Variants in TGM5 observed in about 807,000 individuals in gnomAD.
TGM5 encodes the protein transglutaminase 5, also known as protein-glutamine gamma-glutamyltransferase 5.
In TGM5, 69 loss-of-function variants were observed where a neutral mutation model predicts 77.2. The ratio of observed to expected loss-of-function variants is 0.89; its 90% confidence interval spans 0.74 to 1.09. The LOEUF (loss-of-function observed/expected upper bound fraction) is 1.09, where lower values mean the gene tolerates loss of function less well. Ranked by LOEUF, TGM5 falls within the 50% of genes least tolerant of loss-of-function variation. The pLI is 0.00. For missense variants in TGM5, 842 were observed against 896.5 expected, an observed-to-expected ratio of 0.94 and a Z score of 0.78; for synonymous variants, 346 against 351.8, an observed-to-expected ratio of 0.98 and a Z score of 0.18.
At chr15:43,235,903 G>GCCATCCCCCACCCAATATCTCCA in intron 9 of TGM5, 66 bp from the exon 10 acceptor site, 1 of 1,601,288 alleles carries the variant, frequency 6.2e-7, no homozygotes, top group Non-Finnish European at 8.5e-7. Context: ...GAGGCTGAGC[G>GCCATCCCCCACCCAATATCTCCA]CCATCCCCCA....
At chr15:43,255,458 C>T (rs972447031) in intron 4 of TGM5, among the ~76,000 whole-genome samples, 5 of 152,200 alleles carry the variant, frequency 3.3e-5, no homozygotes, top group Non-Finnish European at 5.9e-5. Context: ...CCAGGTCTCT[C>T]CATGATGCCC....
intron 6 of TGM5, among the ~76,000 whole-genome samples, chr15:43,251,905 C>T (rs982236799): frequency 6.6e-6 from 1 of 152,218 alleles, no homozygotes; most frequent in South Asian, 2.1e-4. Context: ...GCTGACCTCA[C>T]ATTTTCTTCC....
intron 3 of TGM5, 107 bp downstream of exon 3, chr15:43,259,945 G>C: frequency 6.5e-7 from 1 of 1,527,374 alleles, no homozygotes; most frequent in South Asian, 1.1e-5. Context: ...AGGGAATTGA[G>C]GAGGCTCTGG....
chr15:43,265,872 A>G (rs1342440851), intron 1 of TGM5, among the ~76,000 whole-genome samples: 1 of 152,242 alleles, frequency 6.6e-6, no homozygotes, highest in African/African-American at 2.4e-5. Context: ...ATCTATAGGT[A>G]CTGACTGGCA....
intron 3 of TGM5, among the ~76,000 whole-genome samples, chr15:43,258,457 A>G (rs574065): frequency 0.58 from 88,378 of 152,154 alleles, 27,890 homozygotes; most frequent in Non-Finnish European, 0.68. Context: ...ACAGACGTCC[A>G]CTTTGCAGGG....
At chr15:43,265,850 A>G (rs180783637) in intron 1 of TGM5, among the ~76,000 whole-genome samples, 6 of 152,342 alleles carry the variant, frequency 3.9e-5, no homozygotes, top group Non-Finnish European at 8.8e-5. Flanking sequence ...ACTATGAGAA[A>G]TATTGAGGTA....
Position 43,252,898 on chromosome 15 carries a change from G to C in TGM5, c.723C>G (p.Asn241Lys), listed in dbSNP as rs35578968. 2,396 of 1,613,788 alleles carry C rather than the reference G, an allele frequency of 1.5e-3. 10 individuals are homozygous for C. Among genetic ancestry groups the C allele is most frequent in the Middle Eastern group, 8.7e-3 (53 of 6,062 alleles). ...CGCCGTCTGTGTAATTCTCACTCCAGTTTCCATTGAGCACCCCATTATCAT... is the reference window on the plus strand; with the variant it reads ...CGCCGTCTGTGTAATTCTCACTCCACTTTCCATTGAGCACCCCATTATCAT... ...SNDDNGVLNG[N>K]WSENYTDGAN... Residue 241 changes from asparagine to lysine, a missense_variant, in exon 6 of 13, where the codon AAC (asparagine) becomes AAG (lysine). Around this residue, in one of 2 missense-constraint regions of TGM5, gnomAD observed 815 missense variants for 844.6 expected, o/e 0.96. Coordinates refer to ENST00000220420, the MANE Select transcript of TGM5 (RefSeq NM_201631.4).
intron 11 of TGM5, 46 bp from the exon 12 acceptor site, chr15:43,233,733 C>T: frequency 6.2e-7 from 1 of 1,609,732 alleles, no homozygotes; most frequent in Non-Finnish European, 8.5e-7. Context: ...CATTCCCCAA[C>T]TCACCAGATA....
At chr15:43,252,518 A>G (rs999156167) in intron 6 of TGM5, among the ~76,000 whole-genome samples, 5 of 152,164 alleles carry the variant, frequency 3.3e-5, no homozygotes, top group Admixed American at 6.5e-5. Context: ...GGGTTTCACC[A>G]TCTTGGCCAG....
In TGM5 at chr15:43,252,909, G is replaced by C. The variant is rs774221177; in HGVS notation, c.712C>G (p.Leu238Val). The change falls in exon 6 of 13, where the codon CTC (leucine) becomes GTC (valine). Residue 238 changes from leucine to valine, a missense_variant. By Grantham distance (32) the Leu-to-Val change is conservative. Coordinates refer to ENST00000220420, the MANE Select transcript of TGM5 (RefSeq NM_201631.4). ...TAATTCTCACTCCAGTTTCCATTGA[G>C]CACCCCATTATCATCATTGCTGTTG... ...MINSNDDNGV[L>V]NGNWSENYTD... The C allele has an allele frequency of 6.2e-7, 1 of 1,613,586 alleles. No individual in the cohort carries two copies. The highest frequency in any genetic ancestry group is 2.2e-5 in the East Asian group (1 of 44,880).
At chr15:43,259,708 C>T (rs932380523) in intron 3 of TGM5, among the ~76,000 whole-genome samples, 7 of 152,050 alleles carry the variant, frequency 4.6e-5, no homozygotes, top group Non-Finnish European at 8.8e-5. Flanking sequence ...TTCCTTCATT[C>T]CATAAATACT....
At chr15:43,240,775 C>T (rs940675792) in intron 7 of TGM5, 77 bp downstream of exon 7, 26 of 1,596,632 alleles carry the variant, frequency 1.6e-5, no homozygotes, top group Middle Eastern at 1.7e-4. Context: ...TCATGGACCT[C>T]GTTCTGCCCT....
Position 43,233,682 on chromosome 15 carries a change from T to C in TGM5, c.1881A>G (p.Leu627=), listed in dbSNP as rs116495228. Residue 627 remains leucine (L), a synonymous_variant, in exon 12 of 13, where the codon CTA becomes CTG. Transcript: ENST00000220420. ...LSYPSITINV[L]GAAVVNQPLS... is the part of the protein sequence containing the mutation. ...GTGGCTGGTTCACAACGGCTGCTCCTAGAACCTAAACAGACCAGGAGGGGA... is the reference window on the plus strand; with the variant it reads ...GTGGCTGGTTCACAACGGCTGCTCCCAGAACCTAAACAGACCAGGAGGGGA... 18 of 1,614,120 alleles carry C rather than the reference T, an allele frequency of 1.1e-5. No individual in the cohort carries two copies. The highest frequency in any genetic ancestry group is 1.7e-4 in the Middle Eastern group (1 of 6,036).
rs1421873292 is a variant in TGM5 at position 43,260,567 on chromosome 15, G to A, written c.23C>T (p.Ala8Val). 4 of 1,614,018 alleles carry A rather than the reference G, an allele frequency of 2.5e-6. No homozygotes were observed. The highest frequency in any genetic ancestry group is 3.4e-6 in the Non-Finnish European group (4 of 1,179,914). ...TCTGGAGCTCTGGAGGTCTGTGAGGGCCACTTCTAGCCCTGCAATGGGGCA... is the reference window on the plus strand; with the variant it reads ...TCTGGAGCTCTGGAGGTCTGTGAGGACCACTTCTAGCCCTGCAATGGGGCA... MAQGLEV[A>V]LTDLQSSRNN... The change falls in exon 2 of 13, where the codon GCC (alanine) becomes GTC (valine). Residue 8 changes from alanine to valine, a missense_variant. By Grantham distance (64) the Ala-to-Val change is moderately conservative. Transcript: ENST00000220420.
At chr15:43,242,270 T>C (rs2042642174) in intron 6 of TGM5, among the ~76,000 whole-genome samples, 1 of 152,242 alleles carries the variant, frequency 6.6e-6, no homozygotes, top group African/African-American at 2.4e-5. Flanking sequence ...CAGCTTTTGG[T>C]AGTATGCATA....
intron 1 of TGM5, among the ~76,000 whole-genome samples, chr15:43,261,049 A>G (rs2042782207): frequency 7.6e-6 from 1 of 131,004 alleles, no homozygotes; most frequent in African/African-American, 2.9e-5. Context: ...TCCTTGGGCT[A>G]GCTGCTCTTC....
chr15:43,266,725 A>G (rs2042826924), intron 1 of TGM5, 115 bp downstream of exon 1: 1 of 1,372,760 alleles, frequency 7.3e-7, no homozygotes, highest in South Asian at 1.2e-5. Flanking sequence ...TTCCTGCCTC[A>G]GTTCTGTATT....
chr15:43,262,108 C>G (rs955212121), intron 1 of TGM5, among the ~76,000 whole-genome samples: 4 of 152,200 alleles, frequency 2.6e-5, no homozygotes, highest in Non-Finnish European at 5.9e-5. Context: ...AAGGGCCCCT[C>G]ACTCTCTAAC....
chr15:43,252,047 C>T (rs975333443), intron 6 of TGM5, among the ~76,000 whole-genome samples: 15 of 152,224 alleles, frequency 9.9e-5, no homozygotes, highest in African/African-American at 3.4e-4. Flanking sequence ...CGTTTCCCTT[C>T]CATGTACACA....
Sources: gnomAD v4.1 joint callset for allele counts (sites outside exome capture counted in the v4.1 genomes callset) on GRCh38, gnomAD v4.1.1 for gene constraint, gnomAD v4.1.1 regional missense constraint, MANE v1.5 for transcripts, NCBI Gene and HGNC (gene_info 2026-07-23, HGNC 2026-07-21) for gene names.